KIAA1217: variants seen among roughly 807,000 people sequenced by gnomAD.
The protein encoded by KIAA1217 is KIAA1217.
A neutral mutation model predicts 163.9 loss-of-function variants in KIAA1217; 88 were observed. The observed-to-expected ratio is 0.54, with a 90% CI of 0.45 to 0.64. The LOEUF is 0.64. Among genes scored for constraint, KIAA1217 ranks in the 30% least tolerant of loss-of-function variants. The pLI, the probability that KIAA1217 is intolerant of heterozygous loss-of-function variation, is 0.00. For missense variants in KIAA1217, 2,372 were observed against 2,475.0 expected (o/e 0.96, Z 0.88); for synonymous variants, 903 against 923.1 (o/e 0.98, Z 0.39).
intron 2 of KIAA1217, among the ~76,000 whole-genome samples, chr10:24,376,869 A>G (rs962816008): frequency 6.6e-6 from 1 of 152,088 alleles, no homozygotes; most frequent in Non-Finnish European, 1.5e-5. Flanking sequence ...GTTTCAGGGC[A>G]AGCTGCTTTT....
chr10:23,853,599 C>T (rs997976151), intron 1 of KIAA1217, among the ~76,000 whole-genome samples: 6 of 152,082 alleles, frequency 3.9e-5, no homozygotes, highest in Non-Finnish European at 8.8e-5. Flanking sequence ...GTACCAATTC[C>T]TCCTTGTACC....
intron 1 of KIAA1217, among the ~76,000 whole-genome samples, chr10:23,731,367 C>G (rs1413898918): frequency 6.6e-6 from 1 of 152,208 alleles, no homozygotes; most frequent in Non-Finnish European, 1.5e-5. Context: ...TTAGCATAAT[C>G]TGAAGGTGGA....
intron 1 of KIAA1217, among the ~76,000 whole-genome samples, chr10:23,736,216 T>G (rs561526761): frequency 6.6e-6 from 1 of 152,252 alleles, no homozygotes; most frequent in African/African-American, 2.4e-5. Flanking sequence ...TTCTCCTGTA[T>G]GTTTAAATTT....
intron 3 of KIAA1217, among the ~76,000 whole-genome samples, chr10:24,424,847 C>T (rs1466016678): frequency 6.6e-6 from 1 of 152,150 alleles, no homozygotes; most frequent in Non-Finnish European, 1.5e-5. Context: ...GTGATCTGCC[C>T]ACCTCGGCCT....
In KIAA1217 at chr10:23,723,407, G is replaced by GA. The variant is rs11423775; in HGVS notation, c.-321+28182dup. Among the ~76,000 whole-genome samples the GA allele has an allele frequency of 5.6e-3, 828 of 148,966 alleles. 4 individuals carry two copies. The highest frequency in any genetic ancestry group is 0.017 in the African/African-American group (685 of 40,644). On this transcript the variant is annotated intron_variant, in intron 1 of 18. Coordinates refer to the KIAA1217 transcript ENST00000376462. The stretch of plus-strand genomic sequence containing the variant: ...CTTAGCTGCTGTGCCCTGGGAAAAT[G>GA]AAAAAAAAATCACCTTATTAGAGAT...
intron 1 of KIAA1217, among the ~76,000 whole-genome samples, chr10:23,735,869 A>G (rs370758535): frequency 6.6e-6 from 1 of 152,254 alleles, no homozygotes; most frequent in Non-Finnish European, 1.5e-5. Flanking sequence ...ACAATCAACC[A>G]TCAACATAAT....
At chr10:23,775,169 G>A (rs1047682900) in intron 1 of KIAA1217, among the ~76,000 whole-genome samples, 1 of 152,156 alleles carries the variant, frequency 6.6e-6, no homozygotes, top group Admixed American at 6.5e-5. Flanking sequence ...ACCAGGAAGT[G>A]GCACCTAACC....
chr10:24,208,455 T>C (rs889427246), upstream of KIAA1217, among the ~76,000 whole-genome samples: 1 of 151,826 alleles, frequency 6.6e-6, no homozygotes, highest in South Asian at 2.1e-4. Context: ...ACGTAGAAAC[T>C]TTTTTTTAAA....
At chr10:24,199,765 T>G (rs879748609) in intron 2 of KIAA1217, among the ~76,000 whole-genome samples, 31 of 152,184 alleles carry the variant, frequency 2.0e-4, no homozygotes, top group Admixed American at 2.0e-3. Flanking sequence ...TTCTGTAAAC[T>G]GACCACGTGA....
intron 2 of KIAA1217, among the ~76,000 whole-genome samples, chr10:24,180,045 G>A (rs1045516311): frequency 6.6e-6 from 1 of 152,160 alleles, no homozygotes; most frequent in Non-Finnish European, 1.5e-5. Context: ...TCAGTGATAA[G>A]AGTTATCTCC....
chr10:23,750,199 G>A (rs11013696), intron 1 of KIAA1217, among the ~76,000 whole-genome samples: 17,378 of 152,170 alleles, frequency 0.11, 1,319 homozygotes, highest in East Asian at 0.3. Context: ...TTTCTAAAAT[G>A]AAAATCTGAT....
intron 1 of KIAA1217, among the ~76,000 whole-genome samples, chr10:23,930,295 A>G (rs181844587): frequency 4.7e-4 from 72 of 152,094 alleles, no homozygotes; most frequent in Admixed American, 2.0e-3. Flanking sequence ...TAAAAAATCA[A>G]CCCCAGGATC....
chr10:24,297,448 A>T (rs1056868332), intron 2 of KIAA1217, among the ~76,000 whole-genome samples: 1 of 152,216 alleles, frequency 6.6e-6, no homozygotes, highest in African/African-American at 2.4e-5. Flanking sequence ...CTCAATGATC[A>T]TAAAGAAACT....
At chr10:24,540,917 C>T (rs574927834) in intron 17 of KIAA1217, among the ~76,000 whole-genome samples, 134 of 151,362 alleles carry the variant, frequency 8.9e-4, no homozygotes, top group Non-Finnish European at 1.7e-3. Flanking sequence ...TACAGGCACC[C>T]GCCACCGTGC....
At chr10:24,298,021 A>C (rs904348782) in intron 2 of KIAA1217, among the ~76,000 whole-genome samples, 3 of 152,116 alleles carry the variant, frequency 2.0e-5, no homozygotes, top group Non-Finnish European at 4.4e-5. Context: ...TTTGGTGGTG[A>C]AAAAGTGTTT....
At chr10:24,484,135 GTA>G (rs145860765) in intron 6 of KIAA1217, among the ~76,000 whole-genome samples, 1,650 of 142,844 alleles carry the variant, frequency 0.012, 29 homozygotes, top group African/African-American at 0.039. Context: ...ATATTTATGT[GTA>G]TATATATGTA....
intron 1 of KIAA1217, among the ~76,000 whole-genome samples, chr10:23,924,388 G>A (rs1432158139): frequency 6.6e-6 from 1 of 152,164 alleles, no homozygotes; most frequent in East Asian, 1.9e-4. Flanking sequence ...AAAATGAGGT[G>A]TGGAAGTGAA....
intron 2 of KIAA1217, among the ~76,000 whole-genome samples, chr10:24,225,523 C>T (rs1308826773): frequency 6.6e-6 from 1 of 152,164 alleles, no homozygotes; most frequent in East Asian, 1.9e-4. Flanking sequence ...ATTTTTCTTT[C>T]ATTCAGTGCT....
intron 2 of KIAA1217, among the ~76,000 whole-genome samples, chr10:24,192,993 G>A (rs2066798113): frequency 1.3e-5 from 2 of 151,960 alleles, no homozygotes; most frequent in South Asian, 4.2e-4. Context: ...TGTTGCACAG[G>A]CTGGTCTTAA....
Sources: allele counts gnomAD v4.1 joint callset (sites outside exome capture counted in the v4.1 genomes callset), GRCh38; gene constraint gnomAD v4.1.1; transcripts MANE v1.5; gene names NCBI Gene and HGNC (gene_info 2026-07-23, HGNC 2026-07-21).